ESRRG: variants seen among roughly 807,000 people sequenced by gnomAD.
ESRRG encodes the protein estrogen-related receptor gamma.
In ESRRG, 13 loss-of-function variants were observed where a neutral mutation model predicts 44.0. That is an observed-to-expected ratio of 0.30 (90% confidence interval 0.19 to 0.47). The LOEUF is 0.47. Ranked by LOEUF, ESRRG falls within the 20% of genes least tolerant of loss-of-function variation. The pLI, the probability that ESRRG is intolerant of heterozygous loss-of-function variation, is 1.00. For synonymous variants in ESRRG, 215 were observed against 214.6 expected (o/e 1.00, Z -0.02); for missense variants, 395 against 580.6 (o/e 0.68, Z 3.29).
chr1:217,011,940 C>T (rs1012031208), intron 1 of ESRRG, among the ~76,000 whole-genome samples: 1 of 152,104 alleles, frequency 6.6e-6, no homozygotes, highest in Non-Finnish European at 1.5e-5. Flanking sequence ...CTAGCTTGTA[C>T]CCCCTCTGCA....
At chr1:216,781,901 C>T (rs898732494) in intron 2 of ESRRG, among the ~76,000 whole-genome samples, 4 of 151,958 alleles carry the variant, frequency 2.6e-5, no homozygotes, top group East Asian at 1.9e-4. Context: ...CAAATGCTGG[C>T]GATTTCAAGG....
intron 6 of ESRRG, among the ~76,000 whole-genome samples, chr1:216,517,271 G>A (rs78556968): frequency 0.013 from 1,940 of 152,214 alleles, 45 homozygotes; most frequent in African/African-American, 0.044. Flanking sequence ...CTGCTGTGAG[G>A]TAGTCACTTC....
At chr1:216,805,686 G>T (rs2094767870) in intron 2 of ESRRG, among the ~76,000 whole-genome samples, 1 of 151,730 alleles carries the variant, frequency 6.6e-6, no homozygotes, top group Non-Finnish European at 1.5e-5. Context: ...GGCTTCCGCA[G>T]TGACAATTTG....
intron 2 of ESRRG, among the ~76,000 whole-genome samples, chr1:216,846,266 G>A (rs1319964283): frequency 2.0e-5 from 3 of 152,092 alleles, no homozygotes; most frequent in African/African-American, 7.2e-5. Flanking sequence ...TTTTGGACAG[G>A]AGAGCGTATT....
intron 6 of ESRRG, among the ~76,000 whole-genome samples, chr1:216,509,412 AT>A (rs2042092364): frequency 6.6e-6 from 1 of 152,224 alleles, no homozygotes; most frequent in Non-Finnish European, 1.5e-5. Context: ...TCCAAATTCT[AT>A]CATTTGGTCC....
chr1:216,733,247 C>CTT (rs2089223465), intron 2 of ESRRG, among the ~76,000 whole-genome samples: 1 of 138,442 alleles, frequency 7.2e-6, no homozygotes. Flanking sequence ...AGTATAAGGG[C>CTT]ATTTTTTTTT....
intron 1 of ESRRG, among the ~76,000 whole-genome samples, chr1:217,079,867 T>A (rs2091610309): frequency 6.6e-6 from 1 of 152,168 alleles, no homozygotes; most frequent in African/African-American, 2.4e-5. Context: ...AAGTGTTACA[T>A]ATTTCCTCCT....
At chr1:216,729,404 T>C (rs190620566) in intron 2 of ESRRG, among the ~76,000 whole-genome samples, 1 of 152,258 alleles carries the variant, frequency 6.6e-6, no homozygotes, top group East Asian at 1.9e-4. Context: ...TTACAAAATT[T>C]TAAAACTGAA....
chr1:216,649,178 T>C (rs1005050230), intron 3 of ESRRG, among the ~76,000 whole-genome samples: 2 of 152,132 alleles, frequency 1.3e-5, no homozygotes, highest in Non-Finnish European at 2.9e-5. Context: ...AAGTTTTCTT[T>C]AGCAAGAACC....
intron 3 of ESRRG, among the ~76,000 whole-genome samples, chr1:216,574,402 C>T (rs151116318): frequency 0.012 from 1,768 of 152,172 alleles, 37 homozygotes; most frequent in African/African-American, 0.04. Context: ...TAGTTCAGCC[C>T]AAGGTCTTCT....
rs185533259 is a variant in ESRRG, at chr1:216,888,146, T to C, written c.-14+51436A>G. On this transcript the variant is annotated intron_variant, in intron 2 of 7. Coordinates refer to the ESRRG transcript ENST00000359162. ...AATGCAATTTTTCCTTTATTTTACT[T>C]CTATTTCAAGAAGGGCTTTCCAGTA... is the stretch of plus-strand genomic sequence containing the variant. Among the ~76,000 whole-genome samples, 18 of 152,294 alleles carry C rather than the reference T, an allele frequency of 1.2e-4. No homozygotes were observed. In the East Asian group the frequency reaches 3.3e-3, roughly 28 times the overall value.
chr1:216,883,386 GAAAAAAAAAAAAAAAA>G (rs11318094), intron 2 of ESRRG, among the ~76,000 whole-genome samples: 1 of 75,842 alleles, frequency 1.3e-5, no homozygotes, highest in Non-Finnish European at 2.8e-5. Flanking sequence ...ACTTCTCTGA[GAAAAAAAAAAAAAAAA>G]AAAAAAAAAA....
At chr1:216,793,198 G>A (rs1037466774) in intron 2 of ESRRG, among the ~76,000 whole-genome samples, 3 of 152,096 alleles carry the variant, frequency 2.0e-5, no homozygotes, top group African/African-American at 4.8e-5. Flanking sequence ...CACTGAGCAG[G>A]TCAGTATTTG....
At chr1:217,036,991 G>A (rs1015384878) in intron 1 of ESRRG, among the ~76,000 whole-genome samples, 1 of 152,110 alleles carries the variant, frequency 6.6e-6, no homozygotes, top group South Asian at 2.1e-4. Context: ...TCTCTTCCCA[G>A]GCCAGAGGAA....
intron 2 of ESRRG, among the ~76,000 whole-genome samples, chr1:216,799,352 G>C (rs988338712): frequency 2.6e-5 from 4 of 151,962 alleles, no homozygotes; most frequent in Non-Finnish European, 5.9e-5. Flanking sequence ...TATTCTAAAA[G>C]TATTTCCCCA....
intron 1 of ESRRG, among the ~76,000 whole-genome samples, chr1:217,051,202 G>GGT (rs1305972656): frequency 1.8e-5 from 2 of 114,008 alleles, no homozygotes; most frequent in Non-Finnish European, 3.8e-5. Context: ...GGATAATGGG[G>GGT]GCGGGGGGGG....
At chr1:216,855,530 G>C (rs1348887847) in intron 2 of ESRRG, among the ~76,000 whole-genome samples, 1 of 152,170 alleles carries the variant, frequency 6.6e-6, no homozygotes, top group Admixed American at 6.5e-5. Flanking sequence ...CCTGAGGCCA[G>C]CTAAAGTGGA....
At chr1:217,101,718 A>G (rs958804707) in intron 1 of ESRRG, among the ~76,000 whole-genome samples, 2 of 152,152 alleles carry the variant, frequency 1.3e-5, no homozygotes, top group African/African-American at 4.8e-5. Context: ...TTATAAAGTC[A>G]TGTTGATTCT....
intron 5 of ESRRG, among the ~76,000 whole-genome samples, chr1:216,563,015 T>C (rs899402610): frequency 2.6e-5 from 4 of 152,174 alleles, no homozygotes; most frequent in Non-Finnish European, 5.9e-5. Flanking sequence ...ATCCACACAA[T>C]CAAATTCTTA....
Sources: allele counts gnomAD v4.1 joint callset (sites outside exome capture counted in the v4.1 genomes callset), GRCh38; gene constraint gnomAD v4.1.1; transcripts MANE v1.5; gene names NCBI Gene and HGNC (gene_info 2026-07-23, HGNC 2026-07-21).